GRIN2A: variants seen among roughly 807,000 people sequenced by gnomAD.
The protein encoded by GRIN2A is glutamate ionotropic receptor NMDA type subunit 2A.
A neutral mutation model predicts 113.4 loss-of-function variants in GRIN2A; 22 were observed. That is an observed-to-expected ratio of 0.19 (90% CI 0.14 to 0.28). The LOEUF (loss-of-function observed/expected upper bound fraction) is 0.28, where lower values mean the gene tolerates loss of function less well. Among genes scored for constraint, GRIN2A ranks in the 10% least tolerant of loss-of-function variants. The pLI is 1.00. For synonymous variants in GRIN2A, 827 were observed against 738.4 expected, an observed-to-expected ratio of 1.12 and a Z score of -1.94; for missense variants, 1,502 against 1,887.0, an observed-to-expected ratio of 0.80 and a Z score of 3.78.
intron 9 of GRIN2A, among the ~76,000 whole-genome samples, chr16:9,828,131 G>A (rs1219564388): frequency 6.6e-6 from 1 of 152,158 alleles, no homozygotes; most frequent in Non-Finnish European, 1.5e-5. Context: ...GATTGGGGAA[G>A]AACATTCTAG....
chr16:9,840,839 AG>A, intron 6 of GRIN2A, 39 bp from the exon 7 acceptor site: 4 of 1,464,374 alleles, frequency 2.7e-6, no homozygotes, highest in Non-Finnish European at 3.8e-6. Flanking sequence ...AAAAAGAGAG[AG>A]AGAGAACAAC....
At chr16:10,030,064 T>G (rs2046900311) in intron 2 of GRIN2A, among the ~76,000 whole-genome samples, 1 of 152,104 alleles carries the variant, frequency 6.6e-6, no homozygotes, top group African/African-American at 2.4e-5. Context: ...CTGCAGCATC[T>G]TCAAAGTTTA....
At chr16:9,999,807 G>A (rs1337466166) in intron 2 of GRIN2A, among the ~76,000 whole-genome samples, 1 of 152,116 alleles carries the variant, frequency 6.6e-6, no homozygotes, top group African/African-American at 2.4e-5. Flanking sequence ...CACACAGGGG[G>A]TATTAGTTTC....
At chr16:9,854,992 T>TTGTGTGTG (rs3831730) in intron 4 of GRIN2A, among the ~76,000 whole-genome samples, 48 of 147,656 alleles carry the variant, frequency 3.3e-4, no homozygotes, top group African/African-American at 1.0e-3. Context: ...GCAAGCACGC[T>TTGTGTGTG]TGTGTGTGTG....
At chr16:9,913,998 C>T (rs559967924) in intron 3 of GRIN2A, among the ~76,000 whole-genome samples, 2 of 151,424 alleles carry the variant, frequency 1.3e-5, no homozygotes, top group East Asian at 3.9e-4. Context: ...TTACAAAATC[C>T]ATTACGTGAA....
intron 2 of GRIN2A, among the ~76,000 whole-genome samples, chr16:10,069,385 C>T (rs917973386): frequency 3.3e-5 from 5 of 152,184 alleles, no homozygotes; most frequent in African/African-American, 1.2e-4. Flanking sequence ...TAAGTGTCAT[C>T]CAGGGAAGAG....
intron 5 of GRIN2A, among the ~76,000 whole-genome samples, chr16:9,843,382 T>G (rs1049984369): frequency 6.6e-6 from 1 of 152,168 alleles, no homozygotes; most frequent in Non-Finnish European, 1.5e-5. Flanking sequence ...CAGGCTGGGT[T>G]GCAGTGATGT....
intron 2 of GRIN2A, among the ~76,000 whole-genome samples, chr16:9,988,941 C>T (rs974631780): frequency 6.6e-6 from 1 of 152,126 alleles, no homozygotes; most frequent in African/African-American, 2.4e-5. Flanking sequence ...ATATTGAAGA[C>T]TTGATATCTT....
At chr16:9,925,930 A>G (rs1412447021) in intron 3 of GRIN2A, among the ~76,000 whole-genome samples, 2 of 152,242 alleles carry the variant, frequency 1.3e-5, no homozygotes, top group Non-Finnish European at 2.9e-5. Flanking sequence ...TTGGAACCAA[A>G]TACTTTACTA....
At chr16:9,869,444 A>G (rs1012449029) in intron 4 of GRIN2A, among the ~76,000 whole-genome samples, 1 of 152,130 alleles carries the variant, frequency 6.6e-6, no homozygotes. Context: ...AAATAAATAA[A>G]ACAGACAAGT....
chr16:10,124,512 T>C (rs933873188), intron 2 of GRIN2A, among the ~76,000 whole-genome samples: 4 of 152,144 alleles, frequency 2.6e-5, no homozygotes, highest in Admixed American at 2.6e-4. Flanking sequence ...AAGGGCAGGA[T>C]TCCTTGGTGC....
chr16:9,862,267 C>G (rs986050946), intron 4 of GRIN2A, among the ~76,000 whole-genome samples: 1 of 152,174 alleles, frequency 6.6e-6, no homozygotes, highest in Non-Finnish European at 1.5e-5. Flanking sequence ...AAATTCCTCT[C>G]AGTTGAAATT....
intron 7 of GRIN2A, among the ~76,000 whole-genome samples, chr16:9,839,300 A>T (rs1361500559): frequency 6.6e-6 from 1 of 152,098 alleles, no homozygotes; most frequent in Non-Finnish European, 1.5e-5. Context: ...TGAAATTTCA[A>T]CTCTAGCCAG....
chr16:9,961,548 A>G (rs9923249), intron 2 of GRIN2A, among the ~76,000 whole-genome samples: 18 of 152,224 alleles, frequency 1.2e-4, no homozygotes, highest in African/African-American at 4.3e-4. Context: ...AATAATGGTT[A>G]TCTTGGGGTT....
intron 2 of GRIN2A, among the ~76,000 whole-genome samples, chr16:9,985,459 A>G (rs1323405779): frequency 1.3e-5 from 2 of 152,152 alleles, no homozygotes; most frequent in Non-Finnish European, 2.9e-5. Context: ...CAACAGACAA[A>G]TGGATAAAGA....
chr16:10,079,901 A>G (rs1484305955), intron 2 of GRIN2A, among the ~76,000 whole-genome samples: 1 of 152,204 alleles, frequency 6.6e-6, no homozygotes, highest in East Asian at 1.9e-4. Flanking sequence ...TTTGTATCAG[A>G]GAACCCTGGG....
chr16:9,839,913 T>C (rs1236521630), intron 7 of GRIN2A, among the ~76,000 whole-genome samples: 1 of 152,084 alleles, frequency 6.6e-6, no homozygotes, highest in African/African-American at 2.4e-5. Context: ...TCACTTGAGG[T>C]CAGGAGTTTG....
rs372822318 is a variant in GRIN2A, at chr16:9,856,035, TA to T, written c.1123-6075del. Reference sequence around the variant, plus strand: ...GGGCAATAATGACAAAGACCATTGTTAACACTGATTAGGGCTTTACTATGTG... The same window carrying T: ...GGGCAATAATGACAAAGACCATTGTTACACTGATTAGGGCTTTACTATGTG... On this transcript the variant is annotated intron_variant, in intron 4 of 12. Transcript: ENST00000330684. 2.0e-4 allele frequency among the ~76,000 whole-genome samples: 31 copies of T among 152,336 alleles called. 2 individuals are homozygous for T. In the East Asian group the frequency reaches 5.0e-3, roughly 25 times the overall value.
chr16:10,029,971 T>C (rs2046898401), intron 2 of GRIN2A, among the ~76,000 whole-genome samples: 1 of 152,090 alleles, frequency 6.6e-6, no homozygotes, highest in Non-Finnish European at 1.5e-5. Flanking sequence ...CACTCTAGCC[T>C]GGGCCACAGA....
Sources: gnomAD v4.1 joint callset for allele counts (sites outside exome capture counted in the v4.1 genomes callset) on GRCh38, gnomAD v4.1.1 for gene constraint, MANE v1.5 for transcripts, NCBI Gene and HGNC (gene_info 2026-07-23, HGNC 2026-07-21) for gene names.